ZNF385D: variants seen among roughly 807,000 people sequenced by gnomAD.
The protein encoded by ZNF385D is zinc finger protein 385D.
ZNF385D carries 15 observed loss-of-function variants against 35.8 expected under a neutral mutation model. The ratio of observed to expected loss-of-function variants is 0.42; its 90% CI spans 0.28 to 0.64. The LOEUF is 0.64. Among genes scored for constraint, ZNF385D ranks in the 30% least tolerant of loss-of-function variants. The probability of loss-of-function intolerance (pLI) is 0.23; values close to 1 mark genes in which losing one functional copy is unlikely to be tolerated. For synonymous variants in ZNF385D, 212 were observed against 186.8 expected (o/e 1.13, Z -1.10); for missense variants, 474 against 494.6 (o/e 0.96, Z 0.39).
intron 3 of ZNF385D, among the ~76,000 whole-genome samples, chr3:22,050,315 T>C (rs1033992604): frequency 1.3e-5 from 2 of 151,992 alleles, no homozygotes; most frequent in African/African-American, 4.8e-5. Flanking sequence ...TGAAGCATGA[T>C]TGTGCCATTG....
chr3:22,005,922 C>T (rs1385390728), intron 3 of ZNF385D, among the ~76,000 whole-genome samples: 2 of 152,102 alleles, frequency 1.3e-5, no homozygotes, highest in Non-Finnish European at 2.9e-5. Context: ...GTCTTCATCT[C>T]TAAGCACTAT....
chr3:21,902,556 T>A (rs796741228), intron 3 of ZNF385D, among the ~76,000 whole-genome samples: 23 of 152,268 alleles, frequency 1.5e-4, no homozygotes, highest in African/African-American at 5.3e-4. Flanking sequence ...ATTGAGACGA[T>A]AAACGAAAAG....
intron 2 of ZNF385D, among the ~76,000 whole-genome samples, chr3:21,641,350 GA>G (rs1224408597): frequency 1.3e-5 from 2 of 151,880 alleles, no homozygotes; most frequent in Non-Finnish European, 2.9e-5. Context: ...GGAGGAGAAG[GA>G]AAAGAGAGGG....
At chr3:22,291,452 T>C (rs1412008507) in intron 2 of ZNF385D, among the ~76,000 whole-genome samples, 1 of 152,066 alleles carries the variant, frequency 6.6e-6, no homozygotes, top group Non-Finnish European at 1.5e-5. Context: ...ATGGAAAAAT[T>C]TTCTGTTTAA....
intron 3 of ZNF385D, among the ~76,000 whole-genome samples, chr3:22,040,673 G>A (rs1182187549): frequency 2.0e-5 from 3 of 152,124 alleles, no homozygotes; most frequent in Non-Finnish European, 2.9e-5. Context: ...TAGACTTCAG[G>A]AGACTTGGCA....
At chr3:22,209,840 T>A (rs190066722) in intron 2 of ZNF385D, among the ~76,000 whole-genome samples, 86 of 151,946 alleles carry the variant, frequency 5.7e-4, no homozygotes, top group African/African-American at 2.0e-3. Flanking sequence ...GTGGTGATTA[T>A]AAGCTAACTG....
At chr3:21,461,503 G>A (rs1474708382) in intron 4 of ZNF385D, among the ~76,000 whole-genome samples, 5 of 152,114 alleles carry the variant, frequency 3.3e-5, no homozygotes, top group African/African-American at 4.8e-5. Flanking sequence ...AGCCGAGCTC[G>A]TGCCACTGCA....
chr3:22,276,046 C>CTG (rs1348896384), intron 2 of ZNF385D, among the ~76,000 whole-genome samples: 1 of 152,132 alleles, frequency 6.6e-6, no homozygotes, highest in Non-Finnish European at 1.5e-5. Flanking sequence ...GATCCTGCCA[C>CTG]TGCACTCCAG....
At chr3:21,810,705 T>C (rs2072879324) in intron 3 of ZNF385D, among the ~76,000 whole-genome samples, 1 of 152,050 alleles carries the variant, frequency 6.6e-6, no homozygotes, top group East Asian at 1.9e-4. Context: ...ATTTTGGATC[T>C]GTATAAACAT....
intron 2 of ZNF385D, among the ~76,000 whole-genome samples, chr3:22,324,287 A>C (rs1694575191): frequency 6.6e-6 from 1 of 152,164 alleles, no homozygotes; most frequent in South Asian, 2.1e-4. Flanking sequence ...AAAATGAAAT[A>C]ATCATTATTT....
chr3:21,758,039 T>G (rs148100341), intron 3 of ZNF385D, among the ~76,000 whole-genome samples: 3 of 152,348 alleles, frequency 2.0e-5, no homozygotes, highest in African/African-American at 7.2e-5. Context: ...TTATTTGTCT[T>G]ACAAGTTTTA....
intron 3 of ZNF385D, among the ~76,000 whole-genome samples, chr3:22,135,911 C>T (rs751370289): frequency 8.5e-5 from 13 of 152,112 alleles, no homozygotes; most frequent in Non-Finnish European, 1.3e-4. Flanking sequence ...GATACTAAGA[C>T]AATTGCACAT....
At chr3:21,912,611 G>C (rs913032831) in intron 3 of ZNF385D, among the ~76,000 whole-genome samples, 1 of 152,024 alleles carries the variant, frequency 6.6e-6, no homozygotes, top group Non-Finnish European at 1.5e-5. Flanking sequence ...TACAGATTGT[G>C]CATCAGTAGG....
chr3:21,932,802 T>C (rs1036152885), intron 3 of ZNF385D, among the ~76,000 whole-genome samples: 3 of 152,142 alleles, frequency 2.0e-5, no homozygotes, highest in African/African-American at 7.2e-5. Flanking sequence ...AAAAACAGCA[T>C]AGAAACATTT....
chr3:21,965,020 G>A (rs1335170861), intron 3 of ZNF385D, among the ~76,000 whole-genome samples: 2 of 152,042 alleles, frequency 1.3e-5, no homozygotes, highest in Non-Finnish European at 2.9e-5. Context: ...TTAATAATTG[G>A]CAGCATAATT....
intron 2 of ZNF385D, among the ~76,000 whole-genome samples, chr3:22,280,721 T>G (rs1284441476): frequency 1.3e-5 from 2 of 152,168 alleles, no homozygotes; most frequent in East Asian, 3.9e-4. Flanking sequence ...TTTGTTCTTC[T>G]TGCTTAGTCT....
chr3:21,778,407 G>A (rs747954713), intron 3 of ZNF385D, among the ~76,000 whole-genome samples: 3 of 151,860 alleles, frequency 2.0e-5, no homozygotes, highest in Non-Finnish European at 4.4e-5. Flanking sequence ...AGCGAAAGGT[G>A]GCACGGCTGA....
At chr3:21,809,374 A>G (rs2125703268) in intron 3 of ZNF385D, among the ~76,000 whole-genome samples, 1 of 135,064 alleles carries the variant, frequency 7.4e-6, no homozygotes, top group East Asian at 2.3e-4. Flanking sequence ...ATGTTTGATA[A>G]CTGAAAACAA....
chr3:21,916,864 T>C (rs1172687435), intron 3 of ZNF385D, among the ~76,000 whole-genome samples: 2 of 152,208 alleles, frequency 1.3e-5, no homozygotes, highest in East Asian at 1.9e-4. Context: ...TAGCTTTAGA[T>C]CTCAATTAAC....
Sources: gnomAD v4.1 joint callset for allele counts (sites outside exome capture counted in the v4.1 genomes callset) on GRCh38, gnomAD v4.1.1 for gene constraint, MANE v1.5 for transcripts, NCBI Gene and HGNC (gene_info 2026-07-23, HGNC 2026-07-21) for gene names.